The following EYA1 variants were observed in gnomAD, a reference collection of about 807,000 sequenced individuals.
The protein encoded by EYA1 is EYA transcriptional coactivator and phosphatase 1, also known as protein phosphatase EYA1.
EYA1 carries 16 observed loss-of-function variants against 82.0 expected under a neutral mutation model. The observed-to-expected ratio is 0.20, with a 90% confidence interval of 0.13 to 0.30. The LOEUF is 0.30. Among genes scored for constraint, EYA1 ranks in the 10% least tolerant of loss-of-function variants. The pLI is 1.00. For missense variants in EYA1, 633 were observed against 730.7 expected, an observed-to-expected ratio of 0.87 and a Z score of 1.54; for synonymous variants, 261 against 264.4, an observed-to-expected ratio of 0.99 and a Z score of 0.12.
intron 2 of EYA1, among the ~76,000 whole-genome samples, chr8:71,458,153 T>C (rs903606685): frequency 3.9e-5 from 6 of 152,094 alleles, no homozygotes; most frequent in Non-Finnish European, 7.4e-5. Context: ...AGAATTTGAC[T>C]TATATAAGTT....
At chr8:71,276,218 A>G (rs1028043229) in intron 9 of EYA1, among the ~76,000 whole-genome samples, 1 of 152,242 alleles carries the variant, frequency 6.6e-6, no homozygotes, top group Non-Finnish European at 1.5e-5. Flanking sequence ...TCTTGCACTA[A>G]TAATAAACAG....
rs1306425838 is a variant in EYA1 at position 71,309,940 on chromosome 8, CTAAG to C, written c.556+7608_556+7611del. On this transcript the variant is annotated intron_variant, in intron 7 of 17. Coordinates refer to ENST00000340726, the MANE Select transcript of EYA1 (RefSeq NM_000503.6). ...GTGAGAATTTGTGTTATTTTCTTCTCTAAGTGAGAGCAATAAAACCTAAAGGAAA... is the reference window on the plus strand; with the variant it reads ...GTGAGAATTTGTGTTATTTTCTTCTCTGAGAGCAATAAAACCTAAAGGAAA... Among the ~76,000 whole-genome samples the C allele has an allele frequency of 2.0e-5, 3 of 152,290 alleles. No homozygotes were observed. The East Asian group carries it at 5.8e-4, about 29-fold the overall frequency.
At chr8:71,490,181 C>A (rs948815158) in intron 2 of EYA1, among the ~76,000 whole-genome samples, 14 of 152,226 alleles carry the variant, frequency 9.2e-5, no homozygotes, top group African/African-American at 3.4e-4. Flanking sequence ...TTGCAGTTTA[C>A]ACAGCTGGTT....
rs575076821 is a variant in EYA1, at chr8:71,387,552, G to A, written c.34-31041C>T. Among the ~76,000 whole-genome samples the A allele has an allele frequency of 5.9e-5, 9 of 152,282 alleles. No individual in the cohort carries two copies. The South Asian group carries it at 1.7e-3, about 28-fold the overall frequency. The stretch of plus-strand genomic sequence containing the variant: ...CGGAGAGATCTGAAAAACATTTACA[G>A]TTAAATTATTGGAACAGAATGATTT... On this transcript the variant is annotated intron_variant, in intron 2 of 18. Coordinates refer to the EYA1 transcript ENST00000643681.
intron 2 of EYA1, among the ~76,000 whole-genome samples, chr8:71,506,489 T>C (rs1812202473): frequency 6.6e-6 from 1 of 152,250 alleles, no homozygotes. Context: ...GGGCAAATAC[T>C]TTGTGTGTTT....
At chr8:71,421,662 G>A (rs866986884) in intron 2 of EYA1, among the ~76,000 whole-genome samples, 15 of 152,184 alleles carry the variant, frequency 9.9e-5, no homozygotes, top group African/African-American at 3.4e-4. Flanking sequence ...CTGTTTGGTG[G>A]TGGCAGCAGT....
At chr8:71,265,131 C>G (rs1291803147) in intron 11 of EYA1, among the ~76,000 whole-genome samples, 2 of 151,940 alleles carry the variant, frequency 1.3e-5, no homozygotes, top group Admixed American at 6.6e-5. Context: ...TACTCACTGG[C>G]CACTATGCAG....
intron 9 of EYA1, among the ~76,000 whole-genome samples, chr8:71,279,949 G>A (rs942815971): frequency 2.6e-5 from 4 of 152,178 alleles, no homozygotes; most frequent in Non-Finnish European, 4.4e-5. Flanking sequence ...GGGCCACACG[G>A]TCTCTGTTGC....
At chr8:71,422,230 A>G (rs1252690011) in intron 2 of EYA1, among the ~76,000 whole-genome samples, 8 of 152,246 alleles carry the variant, frequency 5.3e-5, no homozygotes, top group Non-Finnish European at 1.2e-4. Flanking sequence ...CAGAGAAGTC[A>G]GTAAAATCTG....
intron 2 of EYA1, among the ~76,000 whole-genome samples, chr8:71,441,546 C>T (rs1806436111): frequency 6.6e-6 from 1 of 152,008 alleles, no homozygotes; most frequent in African/African-American, 2.4e-5. Context: ...CTAGAATAGC[C>T]CTACTGAAGC....
At chr8:71,427,870 A>G (rs773890589) in intron 2 of EYA1, among the ~76,000 whole-genome samples, 8 of 151,928 alleles carry the variant, frequency 5.3e-5, no homozygotes, top group Admixed American at 3.3e-4. Context: ...AAAATAAAAA[A>G]TTAGCCTGGT....
chr8:71,456,943 C>T (rs1008265199), intron 2 of EYA1, among the ~76,000 whole-genome samples: 3 of 152,064 alleles, frequency 2.0e-5, no homozygotes, highest in Non-Finnish European at 4.4e-5. Context: ...TTCTGCACAG[C>T]AAAAGAAACT....
chr8:71,216,992 G>A lies in EYA1; in HGVS notation c.1172C>T (p.Ser391Phe). The change falls in exon 13 of 18, where the codon TCT becomes TTT. Residue 391 changes from serine (S) to phenylalanine (F), a missense_variant. Ser to Phe is a radical substitution (Grantham distance 155). Transcript: ENST00000340726. ...ECDQVHIDDV[S>F]SDDNGQDLST... ...TAGGTCCTGTCCGTTATCATCTGAA[G>A]AAACATCATCTATATGGACTTGGTC... 1 of 1,613,748 alleles carries A rather than the reference G, an allele frequency of 6.2e-7. No individual in the cohort carries two copies.
intron 3 of EYA1, among the ~76,000 whole-genome samples, chr8:71,344,742 T>C (rs1005729738): frequency 2.0e-5 from 3 of 152,278 alleles, no homozygotes; most frequent in African/African-American, 7.2e-5. Flanking sequence ...AGTATATCAG[T>C]GTATGTTGCA....
At chr8:71,354,002 T>C (rs1204033815) in intron 3 of EYA1, among the ~76,000 whole-genome samples, 1 of 152,192 alleles carries the variant, frequency 6.6e-6, no homozygotes, top group Non-Finnish European at 1.5e-5. Context: ...TATCTTTCCA[T>C]ATGTTGAAGT....
At chr8:71,544,994 T>C (rs530489902) in intron 1 of EYA1, among the ~76,000 whole-genome samples, 159 of 152,342 alleles carry the variant, frequency 1.0e-3, no homozygotes, top group African/African-American at 3.5e-3. Context: ...ATCATCACTT[T>C]AGCTTTCTTC....
At chr8:71,374,405 G>A (rs1237998935) in intron 2 of EYA1, among the ~76,000 whole-genome samples, 1 of 152,048 alleles carries the variant, frequency 6.6e-6, no homozygotes, top group Non-Finnish European at 1.5e-5. Context: ...CTAATCATCG[G>A]GGAAATGCAA....
chr8:71,427,829 G>C (rs1805340105), intron 2 of EYA1, among the ~76,000 whole-genome samples: 1 of 151,888 alleles, frequency 6.6e-6, no homozygotes, highest in South Asian at 2.1e-4. Context: ...AGACTATCTT[G>C]GGCAATATAG....
At chr8:71,417,816 C>G (rs1429815965) in intron 2 of EYA1, among the ~76,000 whole-genome samples, 1 of 152,226 alleles carries the variant, frequency 6.6e-6, no homozygotes, top group Non-Finnish European at 1.5e-5. Context: ...AAATATAACT[C>G]TATCTTGATA....
Sources: allele counts gnomAD v4.1 joint callset (sites outside exome capture counted in the v4.1 genomes callset), GRCh38; gene constraint gnomAD v4.1.1; transcripts MANE v1.5; gene names NCBI Gene and HGNC (gene_info 2026-07-23, HGNC 2026-07-21).